Variants in UCK1 observed in about 807,000 individuals in gnomAD.
UCK1 encodes cytidine monophosphokinase 1.
UCK1 carries 20 observed loss-of-function variants against 34.0 expected under a neutral mutation model. That is an observed-to-expected ratio of 0.59 (90% CI 0.41 to 0.86). UCK1 has a LOEUF of 0.86. Ranked by LOEUF, UCK1 falls within the 40% of genes least tolerant of loss-of-function variation. The probability of loss-of-function intolerance (pLI) is 0.00; values close to 1 mark genes in which losing one functional copy is unlikely to be tolerated. For synonymous variants in UCK1, 168 were observed against 155.9 expected, an observed-to-expected ratio of 1.08 and a Z score of -0.58; for missense variants, 343 against 383.6, an observed-to-expected ratio of 0.89 and a Z score of 0.88.
rs72757672 is a variant in UCK1 at position 131,530,756 on chromosome 9, G to A, written c.109-111C>T. ...CGCCCCCTGGGGGGTATGCTCGGAAGGCGGGAGGACACCAACAGGTGTGGA... is the reference window on the plus strand; with the variant it reads ...CGCCCCCTGGGGGGTATGCTCGGAAAGCGGGAGGACACCAACAGGTGTGGA... On this transcript the variant is annotated intron_variant, in intron 1 of 6. Coordinates refer to ENST00000372215, the MANE Select transcript of UCK1 (RefSeq NM_031432.5). 9.6e-3 allele frequency: 15,345 copies of A among 1,593,198 alleles called. 172 individuals carry two copies. Among genetic ancestry groups the A allele is most frequent in the Non-Finnish European group, 9.7e-3 (11,306 of 1,165,726 alleles).
chr9:131,530,357 G>C (rs1950784368), intron 2 of UCK1, 129 bp downstream of exon 2: 1 of 1,104,360 alleles, frequency 9.1e-7, no homozygotes, highest in Non-Finnish European at 1.3e-6. Context: ...TCCACTGCAG[G>C]CTGCGTGGCG....
In UCK1 at chr9:131,531,191, G is replaced by C; in HGVS notation, c.-17C>G. 2 of 1,388,798 alleles carry C rather than the reference G, an allele frequency of 1.4e-6. No homozygotes were observed. The highest frequency in any genetic ancestry group is 1.9e-6 in the Non-Finnish European group (2 of 1,073,344). 86.0% of individuals were successfully genotyped at this position (1,388,798 alleles called of 1,614,324 possible). The stretch of plus-strand genomic sequence containing the variant: ...CGAAGCCATCTCGGCCTCCGCTCCC[G>C]CGCATCGGGTCCCCGCGCCCGCCCC... On this transcript the variant is annotated 5_prime_UTR_variant, in exon 1 of 7. Transcript: ENST00000372215.
intron 2 of UCK1, 122 bp downstream of exon 2, chr9:131,530,364 G>T: frequency 8.4e-7 from 1 of 1,183,816 alleles, no homozygotes; most frequent in Non-Finnish European, 1.2e-6. Flanking sequence ...CAGGCTGCGT[G>T]GCGAGTTGGG....
In UCK1 at chr9:131,529,128, C is replaced by G. The variant is rs1426128293; in HGVS notation, c.508G>C (p.Val170Leu). ...TDSDVRLSRR[V>L]LRDVRRGRDL... ...GCACGGAGGCCCGCGGCCGCCTTAC[C>G]TCTTCGAGACAGCCTGACGTCGGAG... The change falls in exon 4 of 7, where the codon GTT becomes CTT. Residue 170 changes from valine to leucine, a missense_variant and splice_region_variant. Coordinates refer to ENST00000372215, the MANE Select transcript of UCK1 (RefSeq NM_031432.5). The G allele has an allele frequency of 6.2e-7, 1 of 1,613,620 alleles. No homozygotes were observed. The highest frequency in any genetic ancestry group is 8.5e-7 in the Non-Finnish European group (1 of 1,179,866).
At chr9:131,526,584 T>TG in intron 5 of UCK1, 1 of 1,216,188 alleles carries the variant, frequency 8.2e-7, no homozygotes, top group Non-Finnish European at 1.1e-6. Context: ...TGGTGGGGGT[T>TG]GGGGGGTGGC....
intron 5 of UCK1, among the ~76,000 whole-genome samples, chr9:131,527,768 T>C (rs1056590972): frequency 1.3e-5 from 2 of 152,080 alleles, no homozygotes; most frequent in African/African-American, 4.8e-5. Flanking sequence ...GCCCAGCTAC[T>C]CGGGTTGCTG....
In UCK1 at chr9:131,529,127, C is replaced by G. The variant is rs972800103; in HGVS notation, c.508+1G>C. 1.9e-6 allele frequency: 3 copies of G among 1,613,732 alleles called. No homozygotes were observed. Among genetic ancestry groups the G allele is most frequent in the African/African-American group, 2.7e-5 (2 of 75,056 alleles). On this transcript the variant is annotated splice_donor_variant, in intron 4 of 6. Transcript: ENST00000372215. LOFTEE classifies it high-confidence loss of function. ...GGCACGGAGGCCCGCGGCCGCCTTACCTCTTCGAGACAGCCTGACGTCGGA... is the reference window on the plus strand; with the variant it reads ...GGCACGGAGGCCCGCGGCCGCCTTAGCTCTTCGAGACAGCCTGACGTCGGA...
intron 1 of UCK1, 70 bp downstream of exon 1, chr9:131,530,997 T>A: frequency 7.9e-7 from 1 of 1,259,890 alleles, no homozygotes; most frequent in Non-Finnish European, 1.0e-6. Context: ...GGGGCTGGGG[T>A]CTCCTCTCTG....
rs1428077114 is a variant in UCK1, at chr9:131,524,220, C to T, written c.*820G>A. 1 of 152,356 alleles carries T rather than the reference C, an allele frequency of 6.6e-6. No homozygotes were observed. Among genetic ancestry groups the T allele is most frequent in the Non-Finnish European group, 1.5e-5 (1 of 68,140 alleles). 9.4% of individuals were successfully genotyped at this position (152,356 alleles called of 1,614,324 possible). On this transcript the variant is annotated 3_prime_UTR_variant, in exon 7 of 7. Transcript: ENST00000372215. ...GGACAGCCTGTCTAGACAGACAGCA[C>T]CTTGGGGGCTCCCCTGAGGGTCAGT...
At position 131,524,940 on chromosome 9, in the gene UCK1, G is replaced by C; in HGVS notation, c.*100C>G. ...GCCTCGCTGCTAACACTCCCCTGGGGTGCGCCGAGAGGAAGCAGTGGGTGT... is the reference window on the plus strand; with the variant it reads ...GCCTCGCTGCTAACACTCCCCTGGGCTGCGCCGAGAGGAAGCAGTGGGTGT... On this transcript the variant is annotated 3_prime_UTR_variant, in exon 7 of 7. Transcript: ENST00000372215. 7 of 1,421,718 alleles carry C rather than the reference G, an allele frequency of 4.9e-6. No homozygotes were observed. Among genetic ancestry groups the C allele is most frequent in the Non-Finnish European group, 6.7e-6 (7 of 1,052,478 alleles). 88.1% of individuals were successfully genotyped at this position (1,421,718 alleles called of 1,614,324 possible). A position where few individuals can be genotyped will look rare whatever the true frequency, so the allele number is the denominator to read the frequency against.
In UCK1 at chr9:131,530,723, G is replaced by C. The variant is rs1025010738; in HGVS notation, c.109-78C>G. ...CACGGGGCCGGCTTCTGGAGACACTGACCCACCCGCCCCCTGGGGGGTATG... is the reference window on the plus strand; with the variant it reads ...CACGGGGCCGGCTTCTGGAGACACTCACCCACCCGCCCCCTGGGGGGTATG... On this transcript the variant is annotated intron_variant, in intron 1 of 6. Coordinates refer to ENST00000372215, the MANE Select transcript of UCK1 (RefSeq NM_031432.5). The C allele has an allele frequency of 2.5e-6, 4 of 1,612,812 alleles. No individual in the cohort carries two copies. The African/African-American group carries it at 5.3e-5, about 22-fold the overall frequency.
In UCK1 at chr9:131,531,161, C is replaced by T; in HGVS notation, c.14G>A (p.Gly5Glu). ...CGCGGGGCTCTCGCAGTCTTCGCCT[C>T]CCGCCGAAGCCATCTCGGCCTCCGC... is the stretch of plus-strand genomic sequence containing the variant. MASA[G>E]GEDCESPAPE... is the part of the protein sequence containing the mutation. Residue 5 changes from glycine to glutamate, a missense_variant, in exon 1 of 7, where the codon GGA becomes GAA. Transcript: ENST00000372215. 1 of 1,423,622 alleles carries T rather than the reference C, an allele frequency of 7.0e-7. No homozygotes were observed. The highest frequency in any genetic ancestry group is 9.2e-7 in the Non-Finnish European group (1 of 1,089,722). The allele number at this position is 1,423,622 out of a possible 1,614,324, so 88.2% of individuals were successfully genotyped here. A position where few individuals can be genotyped will look rare whatever the true frequency, so the allele number is the denominator to read the frequency against.
chr9:131,529,805 C>T (rs1045537000), intron 2 of UCK1, among the ~76,000 whole-genome samples: 1 of 152,190 alleles, frequency 6.6e-6, no homozygotes, highest in African/African-American at 2.4e-5. Context: ...TCGGGCTGTG[C>T]CACTGCCCAA....
Position 131,524,952 on chromosome 9 carries a change from GA to G in UCK1, c.*87del, listed in dbSNP as rs1403761789. The G allele has an allele frequency of 2.0e-6, 3 of 1,490,272 alleles. No homozygotes were observed. The highest frequency in any genetic ancestry group is 2.7e-6 in the Non-Finnish European group (3 of 1,105,946). The allele number at this position is 1,490,272 out of a possible 1,614,324, so 92.3% of individuals were successfully genotyped here. On this transcript the variant is annotated 3_prime_UTR_variant, in exon 7 of 7. Coordinates refer to ENST00000372215, the MANE Select transcript of UCK1 (RefSeq NM_031432.5). ...ACACTCCCCTGGGGTGCGCCGAGAG[GA>G]AGCAGTGGGTGTGGGTGGGCGTCCC...
In UCK1 at chr9:131,524,496, A is replaced by AAAT. The variant is rs747997904; in HGVS notation, c.*541_*543dup. On this transcript the variant is annotated 3_prime_UTR_variant, in exon 7 of 7. Transcript: ENST00000372215. ...CTGGACTGCAAACCACTGGGTCATG[A>AAAT]AATTAGGTTTGTAGGCCACAACCAG... 4 of 152,662 alleles carry AAAT rather than the reference A, an allele frequency of 2.6e-5. No individual in the cohort carries two copies. The highest frequency in any genetic ancestry group is 4.4e-5 in the Non-Finnish European group (3 of 68,350). 9.5% of individuals were successfully genotyped at this position (152,662 alleles called of 1,614,324 possible).
rs1482617209 is a variant in UCK1 at position 131,524,132 on chromosome 9, T to G, written c.*908A>C. 2.6e-5 allele frequency: 4 copies of G among 152,314 alleles called. No individual in the cohort carries two copies. The highest frequency in any genetic ancestry group is 7.2e-5 in the African/African-American group (3 of 41,446). 9.4% of individuals were successfully genotyped at this position (152,314 alleles called of 1,614,324 possible). A position where few individuals can be genotyped will look rare whatever the true frequency, so the allele number is the denominator to read the frequency against. ...GCCATGTCTGCTGGGACCTGGGTGA[T>G]CCAGTGCGTGCCACAGCCAGAAGCA... On this transcript the variant is annotated 3_prime_UTR_variant, in exon 7 of 7. Coordinates refer to ENST00000372215, the MANE Select transcript of UCK1 (RefSeq NM_031432.5).
intron 5 of UCK1, among the ~76,000 whole-genome samples, chr9:131,527,957 T>G (rs997053591): frequency 1.3e-5 from 2 of 152,076 alleles, no homozygotes; most frequent in African/African-American, 4.8e-5. Context: ...GTGGGTCACT[T>G]GAGTCCAGGA....
chr9:131,524,653 C>A lies in UCK1; in HGVS notation c.*387G>T, dbSNP rs1291052480. 5.2e-6 allele frequency: 1 copy of A among 190,510 alleles called. No individual in the cohort carries two copies. The highest frequency in any genetic ancestry group is 2.3e-5 in the African/African-American group (1 of 42,582). 11.8% of individuals were successfully genotyped at this position (190,510 alleles called of 1,614,324 possible). The stretch of plus-strand genomic sequence containing the variant: ...ACCAGATCAGACTGGAAAAAACTCT[C>A]TCCCACTGTGGGTTCACTGTCAACA... On this transcript the variant is annotated 3_prime_UTR_variant, in exon 7 of 7. Coordinates refer to ENST00000372215, the MANE Select transcript of UCK1 (RefSeq NM_031432.5).
chr9:131,525,666 G>A (rs550740761), intron 6 of UCK1, among the ~76,000 whole-genome samples: 6 of 152,138 alleles, frequency 3.9e-5, no homozygotes, highest in Non-Finnish European at 8.8e-5. Context: ...TGTAGAGATG[G>A]GGTTTTGCTA....
Sources: gnomAD v4.1 joint callset for allele counts (sites outside exome capture counted in the v4.1 genomes callset) on GRCh38, gnomAD v4.1.1 for gene constraint, MANE v1.5 for transcripts, NCBI Gene and HGNC (gene_info 2026-07-23, HGNC 2026-07-21) for gene names.